ELF1: variants seen among roughly 807,000 people sequenced by gnomAD.
ELF1 encodes E74 like ETS transcription factor 1, also known as ETS-related transcription factor Elf-1.
A neutral mutation model predicts 59.9 loss-of-function variants in ELF1; 24 were observed. The observed-to-expected ratio is 0.40, with a 90% CI of 0.29 to 0.56. The LOEUF is 0.56. Ranked by LOEUF, ELF1 falls within the 20% of genes least tolerant of loss-of-function variation. The probability of loss-of-function intolerance (pLI) is 0.44; values close to 1 mark genes in which losing one functional copy is unlikely to be tolerated. For missense variants in ELF1, 627 were observed against 742.2 expected (o/e 0.84, Z 1.80); for synonymous variants, 248 against 266.2 (o/e 0.93, Z 0.67).
At chr13:40,984,658 CTA>C (rs777530885) in intron 1 of ELF1, among the ~76,000 whole-genome samples, 101 of 152,282 alleles carry the variant, frequency 6.6e-4, no homozygotes, top group Admixed American at 1.0e-3. Flanking sequence ...AAAGAGGAAA[CTA>C]TTATCACAAG....
intron 3 of ELF1, among the ~76,000 whole-genome samples, chr13:40,957,159 T>C (rs1871500216): frequency 8.8e-6 from 1 of 113,652 alleles, no homozygotes. Context: ...CAGATGACCA[T>C]AGTGAGGCCT....
At chr13:41,061,083 T>G (rs1046260807) in exon 1 of ELF1, 1 of 193,818 alleles carries the variant, frequency 5.2e-6, no homozygotes, top group African/African-American at 2.3e-5. Flanking sequence ...GCAGCGCCGG[T>G]CCCGCAGTTT....
chr13:40,951,398 T>C lies in ELF1; in HGVS notation c.292A>G (p.Thr98Ala). Residue 98 changes from threonine to alanine, a missense_variant, in exon 4 of 9, where the codon ACT becomes GCT. This residue lies in a region of ELF1 where 232 missense variants were observed against 269.2 expected (regional missense o/e 0.86). Coordinates refer to ENST00000239882, the MANE Select transcript of ELF1 (RefSeq NM_172373.4). ...SCHDGDETIE[T>A]IEAAEALLNM... ...AGGAGTGCCTCAGCAGCCTCAATAG[T>C]TTCAATTGTTTCATCCCCGTCATGA... is the stretch of plus-strand genomic sequence containing the variant. The C allele has an allele frequency of 6.2e-7, 1 of 1,613,858 alleles. No individual in the cohort carries two copies. The highest frequency in any genetic ancestry group is 8.5e-7 in the Non-Finnish European group (1 of 1,179,898).
At chr13:40,952,856 G>A (rs1267346768) in intron 3 of ELF1, among the ~76,000 whole-genome samples, 2 of 100,094 alleles carry the variant, frequency 2.0e-5, no homozygotes, top group African/African-American at 4.5e-5. Context: ...CTTACCCTCT[G>A]TACAGGATTA....
rs117592856 is a variant in ELF1 at position 41,029,110 on chromosome 13, A to C, written c.-229+31728T>G. ...TAAGAGAACAACATTCAAGAGCTTTACCTCCTCTTCTGAGGATAAATCAGT... is the reference window on the plus strand; with the variant it reads ...TAAGAGAACAACATTCAAGAGCTTTCCCTCCTCTTCTGAGGATAAATCAGT... On this transcript the variant is annotated intron_variant, in intron 1 of 1. Coordinates refer to the ELF1 transcript ENST00000405737. Among the ~76,000 whole-genome samples the C allele has an allele frequency of 2.7e-3, 417 of 152,268 alleles. 7 individuals are homozygous for C. In the East Asian group the frequency reaches 0.049, roughly 18 times the overall value.
At chr13:40,962,222 T>C (rs566487249) in intron 2 of ELF1, among the ~76,000 whole-genome samples, 1 of 152,350 alleles carries the variant, frequency 6.6e-6, no homozygotes, top group East Asian at 1.9e-4. Flanking sequence ...TCAGGCATAC[T>C]CCAAATTGCT....
intron 2 of ELF1, among the ~76,000 whole-genome samples, chr13:40,965,192 T>G (rs951562166): frequency 6.6e-6 from 1 of 152,222 alleles, no homozygotes; most frequent in African/African-American, 2.4e-5. Flanking sequence ...CTTACCCACC[T>G]CAATTTTTTC....
intron 1 of ELF1, among the ~76,000 whole-genome samples, chr13:41,031,695 C>G (rs1220322279): frequency 6.6e-6 from 1 of 151,572 alleles, no homozygotes; most frequent in Non-Finnish European, 1.5e-5. Flanking sequence ...TGGTGGGCGC[C>G]TGTAATCCCA....
intron 3 of ELF1, among the ~76,000 whole-genome samples, chr13:40,956,609 C>A (rs1236363901): frequency 6.9e-6 from 1 of 144,994 alleles, no homozygotes. Context: ...GTTGGAAAGG[C>A]TTCAGGATTG....
intron 1 of ELF1, among the ~76,000 whole-genome samples, chr13:41,044,234 A>T (rs931598299): frequency 1.3e-5 from 2 of 152,234 alleles, no homozygotes; most frequent in African/African-American, 4.8e-5. Context: ...CAATCATGTC[A>T]TCTGCAAAGA....
chr13:40,976,944 T>C (rs1000153697), intron 2 of ELF1, among the ~76,000 whole-genome samples: 1 of 152,174 alleles, frequency 6.6e-6, no homozygotes, highest in African/African-American at 2.4e-5. Context: ...GTGATGAGAT[T>C]CTATAAAAAT....
intron 1 of ELF1, among the ~76,000 whole-genome samples, chr13:41,016,932 A>T (rs1319488169): frequency 1.4e-4 from 13 of 90,956 alleles, no homozygotes; most frequent in African/African-American, 5.2e-4. Context: ...AAAAAAAAAA[A>T]AAAAAAAAAA....
chr13:40,971,882 G>T (rs756659624), intron 2 of ELF1, among the ~76,000 whole-genome samples: 1 of 151,970 alleles, frequency 6.6e-6, no homozygotes, highest in Non-Finnish European at 1.5e-5. Flanking sequence ...TAGTATTGGT[G>T]GGTTGTGTAT....
intron 3 of ELF1, among the ~76,000 whole-genome samples, chr13:40,955,790 G>A (rs868073442): frequency 2.2e-4 from 24 of 110,472 alleles, no homozygotes; most frequent in East Asian, 5.9e-4. Flanking sequence ...TCAGCCCCCC[G>A]CCCGGCCAGC....
At chr13:40,986,794 G>A (rs753499351) in intron 1 of ELF1, among the ~76,000 whole-genome samples, 17 of 152,100 alleles carry the variant, frequency 1.1e-4, no homozygotes, top group Non-Finnish European at 1.3e-4. Flanking sequence ...ATTTATTATA[G>A]AAGATTTCAG....
intron 1 of ELF1, chr13:40,993,452 C>T: frequency 1.6e-6 from 1 of 613,520 alleles, no homozygotes; most frequent in Non-Finnish European, 2.9e-6. Context: ...TACTATCCGC[C>T]CAACTTAAGC....
At chr13:40,942,047 T>A (rs1202790654) in intron 7 of ELF1, among the ~76,000 whole-genome samples, 1 of 152,200 alleles carries the variant, frequency 6.6e-6, no homozygotes, top group East Asian at 1.9e-4. Context: ...ATGTTCCTAC[T>A]AGGCAAATTT....
At chr13:40,977,640 A>C (rs887906429) in intron 2 of ELF1, among the ~76,000 whole-genome samples, 5 of 152,220 alleles carry the variant, frequency 3.3e-5, no homozygotes, top group African/African-American at 4.8e-5. Flanking sequence ...TAAACAGCCA[A>C]AACAGAATAC....
intron 1 of ELF1, among the ~76,000 whole-genome samples, chr13:40,982,695 T>C (rs1873348552): frequency 6.6e-6 from 1 of 152,146 alleles, no homozygotes. Context: ...TCACAACGTA[T>C]ATATTTTCAC....
Sources: allele counts gnomAD v4.1 joint callset (sites outside exome capture counted in the v4.1 genomes callset), GRCh38; gene constraint gnomAD v4.1.1; regional missense constraint gnomAD v4.1.1; transcripts MANE v1.5; gene names NCBI Gene and HGNC (gene_info 2026-07-23, HGNC 2026-07-21).